PDE8B: variants seen among roughly 807,000 people sequenced by gnomAD.
PDE8B encodes high affinity cAMP-specific and IBMX-insensitive 3',5'-cyclic phosphodiesterase 8B.
PDE8B carries 26 observed loss-of-function variants against 101.3 expected under a neutral mutation model. The observed-to-expected ratio is 0.26, with a 90% CI of 0.19 to 0.36. The LOEUF (loss-of-function observed/expected upper bound fraction) is 0.36. PDE8B is among the 10% of genes least tolerant of loss of function. The probability of loss-of-function intolerance (pLI) is 1.00; values close to 1 mark genes in which losing one functional copy is unlikely to be tolerated. For synonymous variants in PDE8B, 424 were observed against 429.3 expected (o/e 0.99, Z 0.15); for missense variants, 810 against 1,163.1 (o/e 0.70, Z 4.42).
rs527319296 is a variant in PDE8B, at chr5:77,254,578, CTTTG to C, written c.339+43322_339+43325del. Among the ~76,000 whole-genome samples the C allele has an allele frequency of 8.6e-4, 131 of 151,788 alleles. 1 individual carries two copies. Among genetic ancestry groups the C allele is most frequent in the Non-Finnish European group, 8.4e-4 (57 of 67,948 alleles). On this transcript the variant is annotated intron_variant, in intron 1 of 21. Coordinates refer to ENST00000264917, the MANE Select transcript of PDE8B (RefSeq NM_003719.5). Reference sequence around the variant, plus strand: ...CTCACAAAGGGGCTGATCTTTCAGGCTTTGTTTGTTTTGTCTTTTTTTTTCATTT... The same window carrying C: ...CTCACAAAGGGGCTGATCTTTCAGGCTTTGTTTTGTCTTTTTTTTTCATTT...
the PDE8B span, among the ~76,000 whole-genome samples, chr5:77,174,334 AC>A: frequency 6.6e-6 from 1 of 151,874 alleles, no homozygotes; most frequent in Non-Finnish European, 1.5e-5. Context: ...TCAGTCACCC[AC>A]TCACATCCAT....
chr5:77,323,972 A>C (rs1199267157), intron 2 of PDE8B, among the ~76,000 whole-genome samples: 1 of 152,106 alleles, frequency 6.6e-6, no homozygotes, highest in Non-Finnish European at 1.5e-5. Context: ...AAACAAACAA[A>C]CAACAAAAAA....
chr5:77,319,276 A>C (rs555397214), intron 2 of PDE8B, among the ~76,000 whole-genome samples: 1 of 152,226 alleles, frequency 6.6e-6, no homozygotes, highest in Non-Finnish European at 1.5e-5. Flanking sequence ...TCAGTCCACA[A>C]ATCACTATGT....
chr5:77,384,991 A>T (rs180796826), intron 10 of PDE8B, among the ~76,000 whole-genome samples: 607 of 152,316 alleles, frequency 4.0e-3, no homozygotes, highest in Non-Finnish European at 6.1e-3. Flanking sequence ...GCCTCATAAA[A>T]TGAGTTAGGG....
At chr5:77,291,830 T>C in intron 1 of PDE8B, 2 of 1,540,364 alleles carry the variant, frequency 1.3e-6, no homozygotes, top group Non-Finnish European at 1.8e-6. Flanking sequence ...CATCCCTTAA[T>C]TTGAGGTGTT....
intron 5 of PDE8B, among the ~76,000 whole-genome samples, chr5:77,335,806 A>G (rs1778071583): frequency 6.6e-6 from 1 of 152,104 alleles, no homozygotes; most frequent in Non-Finnish European, 1.5e-5. Flanking sequence ...TGTTTTTTTA[A>G]TCAATTAAAA....
At chr5:77,317,188 T>C (rs1773942951) in intron 2 of PDE8B, among the ~76,000 whole-genome samples, 1 of 152,194 alleles carries the variant, frequency 6.6e-6, no homozygotes, top group Non-Finnish European at 1.5e-5. Context: ...TGACATCTAG[T>C]GTTTTTATGC....
chr5:77,139,991 A>T, the PDE8B span: 2 of 152,002 alleles, frequency 1.3e-5, no homozygotes, highest in Non-Finnish European at 2.9e-5. Flanking sequence ...TGTAATTTTT[A>T]TTATGAGCTT....
At chr5:77,343,537 G>T (rs1779597192) in intron 6 of PDE8B, among the ~76,000 whole-genome samples, 1 of 152,202 alleles carries the variant, frequency 6.6e-6, no homozygotes, top group South Asian at 2.1e-4. Context: ...AAGGCACTTA[G>T]CATGAATGGA....
chr5:77,400,218 T>G, intron 10 of PDE8B, 30 bp from the exon 11 acceptor site: 1 of 1,515,352 alleles, frequency 6.6e-7, no homozygotes, highest in Non-Finnish European at 9.2e-7. Context: ...AATCTTTCTC[T>G]TGTTTTATCA....
At chr5:77,272,574 G>A (rs1194264132) in intron 1 of PDE8B, among the ~76,000 whole-genome samples, 1 of 152,170 alleles carries the variant, frequency 6.6e-6, no homozygotes, top group Non-Finnish European at 1.5e-5. Flanking sequence ...CTGCAGTCTG[G>A]TTTGGAGCTA....
the PDE8B span, among the ~76,000 whole-genome samples, chr5:77,128,843 C>G: frequency 4.6e-5 from 7 of 152,134 alleles, no homozygotes; most frequent in African/African-American, 7.2e-5. Flanking sequence ...CCCTGGCTAC[C>G]CTTTTGTCTG....
chr5:77,204,303 T>G, the PDE8B span, among the ~76,000 whole-genome samples: 1 of 150,968 alleles, frequency 6.6e-6, no homozygotes, highest in South Asian at 2.1e-4. Flanking sequence ...CCCAGCTATT[T>G]GGGAGGCTGA....
rs67963672 is a variant in PDE8B, at chr5:77,283,248, C to G, written c.340-28746C>G. Among the ~76,000 whole-genome samples the G allele has an allele frequency of 6.2e-3, 945 of 152,196 alleles. 10 individuals carry two copies. The highest frequency in any genetic ancestry group is 0.02 in the African/African-American group (818 of 41,524). On this transcript the variant is annotated intron_variant, in intron 1 of 21. Coordinates refer to ENST00000264917, the MANE Select transcript of PDE8B (RefSeq NM_003719.5). ...ATATTCGAAACCCTGCACCACCCCC[C>G]ACTCCCTGGAGCCATATGCACAGCC...
intron 10 of PDE8B, among the ~76,000 whole-genome samples, chr5:77,354,305 A>C (rs1781691567): frequency 6.6e-6 from 1 of 152,186 alleles, no homozygotes; most frequent in Non-Finnish European, 1.5e-5. Flanking sequence ...AGGATATCAA[A>C]GGGGTCCACG....
rs188885813 is a variant in PDE8B at position 77,232,952 on chromosome 5, A to C, written c.339+21688A>C. ...ACTGCTGTAAGTAGCGAATCCTTTG[A>C]ATTGGAAGATGTCACAGGAGTATTG... On this transcript the variant is annotated intron_variant, in intron 1 of 21. Transcript: ENST00000264917. Among the ~76,000 whole-genome samples the C allele has an allele frequency of 1.4e-3, 217 of 152,338 alleles. 1 individual carries two copies. Among genetic ancestry groups the C allele is most frequent in the Non-Finnish European group, 2.4e-3 (164 of 68,040 alleles).
At chr5:77,199,990 A>G in the PDE8B span, among the ~76,000 whole-genome samples, 11 of 152,146 alleles carry the variant, frequency 7.2e-5, no homozygotes, top group East Asian at 1.9e-4. Flanking sequence ...TTAAAACATA[A>G]TGGGACTTTT....
the PDE8B span, among the ~76,000 whole-genome samples, chr5:77,169,950 C>T: frequency 6.6e-6 from 1 of 152,176 alleles, no homozygotes; most frequent in Non-Finnish European, 1.5e-5. Flanking sequence ...AAACACGGCT[C>T]TATCTCAAGT....
intron 10 of PDE8B, among the ~76,000 whole-genome samples, chr5:77,363,855 A>G (rs1328770328): frequency 6.6e-6 from 1 of 152,144 alleles, no homozygotes; most frequent in Admixed American, 6.5e-5. Flanking sequence ...CTGAGGGTAC[A>G]GTTGGTGCCC....
Sources: allele counts gnomAD v4.1 joint callset (sites outside exome capture counted in the v4.1 genomes callset), GRCh38; gene constraint gnomAD v4.1.1; transcripts MANE v1.5; gene names NCBI Gene and HGNC (gene_info 2026-07-23, HGNC 2026-07-21).